The following PTPRG variants were observed in gnomAD, a reference collection of about 807,000 sequenced individuals.
PTPRG encodes protein tyrosine phosphatase receptor type G.
In PTPRG, 102 loss-of-function variants were observed where a neutral mutation model predicts 165.3. That is an observed-to-expected ratio of 0.62 (90% CI 0.53 to 0.73). The LOEUF (loss-of-function observed/expected upper bound fraction) is 0.73. Among genes scored for constraint, PTPRG ranks in the 30% least tolerant of loss-of-function variants. The pLI is 0.00. For missense variants in PTPRG, 1,866 were observed against 1,861.4 expected (o/e 1.00, Z -0.05); for synonymous variants, 675 against 669.5 (o/e 1.01, Z -0.13).
At position 61,738,291 on chromosome 3, in the gene PTPRG, TATATATATATATATATATATAC is replaced by T. The variant is rs1559583247; in HGVS notation, c.86-10565_86-10544del. 7.0e-4 allele frequency among the ~76,000 whole-genome samples: 57 copies of T among 81,978 alleles called. 4 individuals carry two copies. The highest frequency in any genetic ancestry group is 2.5e-3 in the South Asian group (5 of 1,974). The allele number at this position is 81,978 out of a possible 152,430, so 53.8% of individuals were successfully genotyped here. On this transcript the variant is annotated intron_variant, in intron 1 of 29. Transcript: ENST00000474889. ...ATATATATATATACATATATATATA[TATATATATATATATATATATAC>T]ATATATATATATATATATATATATG...
chr3:61,885,748 A>T (rs1394418315), intron 2 of PTPRG, among the ~76,000 whole-genome samples: 2 of 85,892 alleles, frequency 2.3e-5, no homozygotes, highest in African/African-American at 9.0e-5. Flanking sequence ...CAGTGGCACT[A>T]TCGTAGCTCT....
At chr3:61,609,826 A>G (rs1559522711) in intron 1 of PTPRG, among the ~76,000 whole-genome samples, 1 of 152,150 alleles carries the variant, frequency 6.6e-6, no homozygotes, top group Non-Finnish European at 1.5e-5. Flanking sequence ...CCTGGGCAAC[A>G]GAGTGAGATC....
chr3:61,734,552 C>G (rs929715484), intron 1 of PTPRG, among the ~76,000 whole-genome samples: 1 of 152,146 alleles, frequency 6.6e-6, no homozygotes, highest in African/African-American at 2.4e-5. Flanking sequence ...GGCTTTGGCA[C>G]CCGGTTGTCC....
chr3:61,713,087 T>G (rs1417396408), intron 1 of PTPRG, among the ~76,000 whole-genome samples: 1 of 152,156 alleles, frequency 6.6e-6, no homozygotes, highest in Non-Finnish European at 1.5e-5. Context: ...TCCTAGTTTC[T>G]CCTAAATGCA....
rs924829209 is a variant in PTPRG, at chr3:62,000,290, A to C, written c.371-3059A>C. The stretch of plus-strand genomic sequence containing the variant: ...AGCGAGACTCTGTCTCCAAAAAAAA[A>C]AAAAAAAAAAGTCCTTACCAATTTG... On this transcript the variant is annotated intron_variant, in intron 3 of 29. Coordinates refer to ENST00000474889, the MANE Select transcript of PTPRG (RefSeq NM_002841.4). 5.3e-4 allele frequency among the ~76,000 whole-genome samples: 81 copies of C among 152,020 alleles called. 1 individual carries two copies. Among genetic ancestry groups the C allele is most frequent in the Admixed American group, 2.0e-4 (3 of 15,260 alleles).
intron 4 of PTPRG, among the ~76,000 whole-genome samples, chr3:62,014,129 A>G (rs1202746758): frequency 6.6e-6 from 1 of 152,224 alleles, no homozygotes; most frequent in Non-Finnish European, 1.5e-5. Flanking sequence ...CTCAGAAGGG[A>G]CAGTCAGAAA....
At chr3:61,856,027 C>A (rs934599579) in intron 2 of PTPRG, among the ~76,000 whole-genome samples, 2 of 152,050 alleles carry the variant, frequency 1.3e-5, no homozygotes, top group African/African-American at 4.8e-5. Context: ...TCATGTTTTC[C>A]TTATTGATTG....
At chr3:62,290,622 G>GC (rs1702850732) in intron 28 of PTPRG, among the ~76,000 whole-genome samples, 1 of 152,060 alleles carries the variant, frequency 6.6e-6, no homozygotes, top group African/African-American at 2.4e-5. Context: ...AAATAGGCTT[G>GC]CATATATAAG....
chr3:62,160,864 ATTTTTT>A (rs5849464), intron 7 of PTPRG, among the ~76,000 whole-genome samples: 9,468 of 103,990 alleles, frequency 0.091, 341 homozygotes, highest in Non-Finnish European at 0.11. Flanking sequence ...TAGATGTGTG[ATTTTTT>A]TTTTTTTTTT....
intron 4 of PTPRG, among the ~76,000 whole-genome samples, chr3:62,029,210 G>T (rs1699682930): frequency 6.6e-6 from 1 of 152,130 alleles, no homozygotes; most frequent in Non-Finnish European, 1.5e-5. Context: ...GGTCTTGCAA[G>T]AATTCTATGT....
rs1575983451 is a variant in PTPRG at position 62,084,839 on chromosome 3, C to T, written c.615+6581C>T. 1.3e-5 allele frequency among the ~76,000 whole-genome samples: 2 copies of T among 152,304 alleles called. 1 individual carries two copies. The highest frequency in any genetic ancestry group is 4.1e-4 in the South Asian group (2 of 4,822). On this transcript the variant is annotated intron_variant, in intron 5 of 29. Transcript: ENST00000474889. ...TTCTTCTGCATTAATACTGTGAGAT[C>T]ATTGAGGCTTGAGAGTCTTCATTCA...
intron 2 of PTPRG, among the ~76,000 whole-genome samples, chr3:61,869,691 C>G (rs774962218): frequency 1.3e-5 from 2 of 152,144 alleles, no homozygotes; most frequent in South Asian, 2.1e-4. Context: ...TGATCTTCCC[C>G]CCTCAGCCTC....
At chr3:61,979,407 A>C (rs1481873560) in intron 2 of PTPRG, among the ~76,000 whole-genome samples, 3 of 152,216 alleles carry the variant, frequency 2.0e-5, no homozygotes, top group Non-Finnish European at 4.4e-5. Context: ...ACAGATATGA[A>C]AATAGACAAG....
chr3:61,908,121 TAAAAAAAAAAAAAA>T (rs1183592777), intron 2 of PTPRG, among the ~76,000 whole-genome samples: 1 of 67,152 alleles, frequency 1.5e-5, no homozygotes, highest in African/African-American at 5.6e-5. Context: ...CACCTCTCTT[TAAAAAAAAAAAAAA>T]AAAAAAAAAA....
intron 6 of PTPRG, among the ~76,000 whole-genome samples, chr3:62,146,520 T>C (rs192343777): frequency 6.6e-6 from 1 of 152,276 alleles, no homozygotes; most frequent in African/African-American, 2.4e-5. Context: ...GGCATGCATT[T>C]AATCCTCTGC....
intron 1 of PTPRG, among the ~76,000 whole-genome samples, chr3:61,600,760 C>A (rs1700842314): frequency 6.6e-6 from 1 of 152,108 alleles, no homozygotes; most frequent in Admixed American, 6.5e-5. Context: ...AGGCTGGTCT[C>A]AAACTCCTAA....
chr3:62,139,185 C>T (rs183947816), intron 6 of PTPRG, among the ~76,000 whole-genome samples: 6 of 152,002 alleles, frequency 3.9e-5, no homozygotes, highest in African/African-American at 1.5e-4. Context: ...CCACAGACAG[C>T]TGGGTACAGT....
chr3:61,773,249 C>G (rs182455725), intron 2 of PTPRG, among the ~76,000 whole-genome samples: 1 of 152,090 alleles, frequency 6.6e-6, no homozygotes, highest in African/African-American at 2.4e-5. Flanking sequence ...AAAGACCATA[C>G]AATGATAGTT....
chr3:62,282,554 C>CAA lies in PTPRG; in HGVS notation c.3913-162_3913-161dup, dbSNP rs5849472. Among the ~76,000 whole-genome samples, 293 of 138,660 alleles carry CAA rather than the reference C, an allele frequency of 2.1e-3. 1 individual carries two copies. Among genetic ancestry groups the CAA allele is most frequent in the Non-Finnish European group, 2.5e-3 (161 of 63,474 alleles). The allele number at this position is 138,660 out of a possible 152,430, so 91.0% of individuals were successfully genotyped here. A position where few individuals can be genotyped will look rare whatever the true frequency, so the allele number is the denominator to read the frequency against. ...ATGCTTTTTTTAAAAAACAAAAAAA[C>CAA]AAAAAAAAAAAACCTTCCTGGTATT... On this transcript the variant is annotated intron_variant, in intron 27 of 29. Transcript: ENST00000474889.
Sources: gnomAD v4.1 joint callset for allele counts (sites outside exome capture counted in the v4.1 genomes callset) on GRCh38, gnomAD v4.1.1 for gene constraint, MANE v1.5 for transcripts, NCBI Gene and HGNC (gene_info 2026-07-23, HGNC 2026-07-21) for gene names.